RALYL: variants seen among roughly 807,000 people sequenced by gnomAD.
RALYL encodes RALY RNA binding protein like, also known as RNA-binding Raly-like protein.
Under a neutral mutation model 35.1 loss-of-function variants are expected in RALYL, and 29 were observed. The observed-to-expected ratio is 0.83, with a 90% CI of 0.61 to 1.13. The LOEUF (loss-of-function observed/expected upper bound fraction) is 1.13, where lower values mean the gene tolerates loss of function less well. Among genes scored for constraint, RALYL ranks in the 50% most tolerant of loss-of-function variants. The pLI is 0.00. For synonymous variants in RALYL, 120 were observed against 127.6 expected (o/e 0.94, Z 0.40); for missense variants, 359 against 360.4 (o/e 1.00, Z 0.03).
rs376902626 is a variant in RALYL at position 84,202,497 on chromosome 8, G to T, written c.-24+18073G>T. ...AAGCAATTCTCTGCCTCAGCCTCCC[G>T]AGTGGCTGGGATTACAGGTGCCCAC... On this transcript the variant is annotated intron_variant, in intron 1 of 8. Transcript: ENST00000521268. Among the ~76,000 whole-genome samples, 102 of 150,084 alleles carry T rather than the reference G, an allele frequency of 6.8e-4. 3 individuals carry two copies. The highest frequency in any genetic ancestry group is 3.5e-3 in the Middle Eastern group (1 of 286).
chr8:84,841,181 TA>T (rs1174824470), intron 4 of RALYL, among the ~76,000 whole-genome samples: 2 of 152,076 alleles, frequency 1.3e-5, no homozygotes, highest in African/African-American at 4.8e-5. Context: ...GCAAATTGGA[TA>T]AAGAGTCAAG....
intron 2 of RALYL, among the ~76,000 whole-genome samples, chr8:84,662,433 A>G (rs1376710343): frequency 6.6e-6 from 1 of 152,232 alleles, no homozygotes; most frequent in Non-Finnish European, 1.5e-5. Flanking sequence ...TATGAAATTA[A>G]GACATCATTT....
chr8:84,723,067 A>T (rs1844290986), intron 2 of RALYL, among the ~76,000 whole-genome samples: 1 of 152,020 alleles, frequency 6.6e-6, no homozygotes, highest in African/African-American at 2.4e-5. Context: ...AAAATTTTAG[A>T]TAATTTAAAG....
rs573451299 is a variant in RALYL, at chr8:84,508,858, C to A, written c.-23-20441C>A. Among the ~76,000 whole-genome samples the A allele has an allele frequency of 2.9e-5, 4 of 138,986 alleles. No individual in the cohort carries two copies. The South Asian group carries it at 9.7e-4, about 34-fold the overall frequency. 91.2% of individuals were successfully genotyped at this position (138,986 alleles called of 152,430 possible). ...TTATAAAAATTATAATAAAAACAAT[C>A]TTTTCAAAAAGTCGTGTATATTTTT... On this transcript the variant is annotated intron_variant, in intron 1 of 8. Coordinates refer to ENST00000521268, the MANE Select transcript of RALYL (RefSeq NM_173848.7).
intron 5 of RALYL, among the ~76,000 whole-genome samples, chr8:84,855,652 A>T (rs958789771): frequency 6.6e-6 from 1 of 152,248 alleles, no homozygotes; most frequent in Admixed American, 6.5e-5. Flanking sequence ...GTAAGTATTT[A>T]TACTCTAGCA....
At chr8:84,893,678 A>C (rs1844257521) in intron 8 of RALYL, among the ~76,000 whole-genome samples, 1 of 152,196 alleles carries the variant, frequency 6.6e-6, no homozygotes, top group African/African-American at 2.4e-5. Flanking sequence ...ATGCCAACAT[A>C]GATTATCTCA....
At chr8:84,775,656 A>G (rs909124704) in intron 3 of RALYL, among the ~76,000 whole-genome samples, 1 of 152,186 alleles carries the variant, frequency 6.6e-6, no homozygotes, top group African/African-American at 2.4e-5. Context: ...CCAATTTGTC[A>G]GTGTCTATAT....
At chr8:84,908,339 CT>C (rs1487129495) in intron 8 of RALYL, among the ~76,000 whole-genome samples, 2 of 152,166 alleles carry the variant, frequency 1.3e-5, no homozygotes, top group Non-Finnish European at 2.9e-5. Context: ...ATCTTGTACT[CT>C]TTGACAGACA....
intron 1 of RALYL, among the ~76,000 whole-genome samples, chr8:84,420,301 G>C (rs141137329): frequency 0.03 from 4,501 of 152,182 alleles, 241 homozygotes; most frequent in African/African-American, 0.1. Context: ...GGCCACTGAT[G>C]ATGAGCATTT....
At chr8:84,678,371 C>T (rs1834652179) in intron 2 of RALYL, among the ~76,000 whole-genome samples, 1 of 152,118 alleles carries the variant, frequency 6.6e-6, no homozygotes, top group South Asian at 2.1e-4. Flanking sequence ...TCAAGCGATT[C>T]TCCTGCCTCA....
intron 2 of RALYL, among the ~76,000 whole-genome samples, chr8:84,557,588 A>T (rs558368831): frequency 6.6e-5 from 10 of 152,246 alleles, no homozygotes; most frequent in Non-Finnish European, 1.5e-4. Context: ...AATTAAAATG[A>T]TGCATGCATA....
At chr8:84,526,000 A>G in intron 1 of RALYL, among the ~76,000 whole-genome samples, 1 of 131,266 alleles carries the variant, frequency 7.6e-6, no homozygotes, top group South Asian at 2.3e-4. Context: ...CTTTGTCACT[A>G]GAATGCAGTG....
chr8:84,209,355 C>A (rs527869824), intron 1 of RALYL, among the ~76,000 whole-genome samples: 4 of 152,140 alleles, frequency 2.6e-5, no homozygotes, highest in South Asian at 4.1e-4. Context: ...TTTAGTTTTA[C>A]TTTGATGTGC....
At chr8:84,222,128 A>C (rs1359546519) in intron 1 of RALYL, among the ~76,000 whole-genome samples, 1 of 152,100 alleles carries the variant, frequency 6.6e-6, no homozygotes, top group Admixed American at 6.6e-5. Flanking sequence ...TTAATTTCCA[A>C]AATAGTGCAT....
chr8:84,185,326 C>T (rs1456087996), intron 1 of RALYL: 1 of 433,146 alleles, frequency 2.3e-6, no homozygotes, highest in Non-Finnish European at 4.3e-6. Flanking sequence ...AGGTTTTCCC[C>T]TGAGAACTGT....
intron 2 of RALYL, among the ~76,000 whole-genome samples, chr8:84,575,559 TG>T (rs1809168314): frequency 6.6e-6 from 1 of 152,174 alleles, no homozygotes; most frequent in Non-Finnish European, 1.5e-5. Context: ...ATCATTCTTT[TG>T]GGGCTTATCT....
chr8:84,841,120 C>T (rs1300124777), intron 4 of RALYL, among the ~76,000 whole-genome samples: 5 of 151,680 alleles, frequency 3.3e-5, no homozygotes, highest in East Asian at 1.9e-4. Context: ...CATAACAATA[C>T]TAACCTTAAA....
chr8:84,882,053 A>G (rs145298085), intron 7 of RALYL, among the ~76,000 whole-genome samples: 1 of 152,134 alleles, frequency 6.6e-6, no homozygotes, highest in East Asian at 1.9e-4. Context: ...ACTAAAGTTA[A>G]TGAATCTTAC....
At chr8:84,681,876 G>A (rs544747313) in intron 2 of RALYL, among the ~76,000 whole-genome samples, 3 of 152,142 alleles carry the variant, frequency 2.0e-5, no homozygotes, top group Non-Finnish European at 4.4e-5. Context: ...CCAACACTAT[G>A]TTGAATCGGA....
Sources: gnomAD v4.1 joint callset for allele counts (sites outside exome capture counted in the v4.1 genomes callset) on GRCh38, gnomAD v4.1.1 for gene constraint, MANE v1.5 for transcripts, NCBI Gene and HGNC (gene_info 2026-07-23, HGNC 2026-07-21) for gene names.